NMT1: variants seen among roughly 807,000 people sequenced by gnomAD.
The protein encoded by NMT1 is glycylpeptide N-tetradecanoyltransferase 1.
In NMT1, 12 loss-of-function variants were observed where a neutral mutation model predicts 63.4. That is an observed-to-expected ratio of 0.19 (90% CI 0.12 to 0.31). The LOEUF (loss-of-function observed/expected upper bound fraction) is 0.31. Ranked by LOEUF, NMT1 falls within the 10% of genes least tolerant of loss-of-function variation. The pLI, the probability that NMT1 is intolerant of heterozygous loss-of-function variation, is 1.00. For missense variants in NMT1, 432 were observed against 634.6 expected (o/e 0.68, Z 3.43); for synonymous variants, 228 against 234.3 (o/e 0.97, Z 0.25).
intron 1 of NMT1, 122 bp downstream of exon 1, chr17:45,061,582 TAGG>T (rs2053859111): frequency 1.2e-6 from 1 of 835,298 alleles, no homozygotes; most frequent in South Asian, 1.8e-5. Context: ...GCTAAGTCAC[TAGG>T]ATTCTGCCTG....
intron 1 of NMT1, among the ~76,000 whole-genome samples, chr17:45,081,361 A>G (rs1381614717): frequency 1.3e-5 from 2 of 152,234 alleles, no homozygotes; most frequent in South Asian, 2.1e-4. Flanking sequence ...TACCCTGGCA[A>G]TATAAAGAAA....
Position 45,106,578 on chromosome 17 carries a change from G to C in NMT1, c.*939G>C, listed in dbSNP as rs1207185525. 1 of 152,692 alleles carries C rather than the reference G, an allele frequency of 6.5e-6. No individual in the cohort carries two copies. The highest frequency in any genetic ancestry group is 1.5e-5 in the Non-Finnish European group (1 of 68,078). The allele number at this position is 152,692 out of a possible 1,614,324, so 9.5% of individuals were successfully genotyped here. A position where few individuals can be genotyped will look rare whatever the true frequency, so the allele number is the denominator to read the frequency against. On this transcript the variant is annotated 3_prime_UTR_variant, in exon 12 of 12. Coordinates refer to ENST00000258960, the MANE Select transcript of NMT1 (RefSeq NM_021079.5). ...CAGGGACCTTTGGAGACCATTATCA[G>C]TGTAAGCCCTGCTTAGCTCATCTTA...
At chr17:45,078,394 G>T (rs1321954119) in intron 1 of NMT1, among the ~76,000 whole-genome samples, 1 of 152,138 alleles carries the variant, frequency 6.6e-6, no homozygotes, top group Non-Finnish European at 1.5e-5. Context: ...CTGGATGTGA[G>T]CATTCCTCCC....
intron 8 of NMT1, among the ~76,000 whole-genome samples, chr17:45,101,170 C>G (rs1459337110): frequency 6.6e-6 from 1 of 151,460 alleles, no homozygotes; most frequent in Non-Finnish European, 1.5e-5. Context: ...GCCCACAGAG[C>G]GAGACTCCAT....
intron 7 of NMT1, 68 bp downstream of exon 7, chr17:45,098,620 A>G (rs1170792757): frequency 7.0e-7 from 1 of 1,420,200 alleles, no homozygotes; most frequent in Non-Finnish European, 9.8e-7. Flanking sequence ...AGCATGTGCC[A>G]CTGTGAGTCA....
At chr17:45,102,285 A>T (rs995581873) in intron 8 of NMT1, among the ~76,000 whole-genome samples, 1 of 152,172 alleles carries the variant, frequency 6.6e-6, no homozygotes, top group Admixed American at 6.5e-5. Flanking sequence ...GGGATGTTCT[A>T]CCAGCCCCGG....
chr17:45,077,666 A>C (rs745777343), intron 1 of NMT1, among the ~76,000 whole-genome samples: 12 of 152,198 alleles, frequency 7.9e-5, no homozygotes, highest in Non-Finnish European at 1.6e-4. Flanking sequence ...CTGAGATTAC[A>C]GGCGTGAGCC....
rs1259973501 is a variant in NMT1, at chr17:45,105,396, A to T, written c.1471-223A>T. On this transcript the variant is annotated intron_variant, in intron 11 of 11. Coordinates refer to ENST00000258960, the MANE Select transcript of NMT1 (RefSeq NM_021079.5). This position sits in a 1 kb window ranked among gnomAD's most constrained non-coding sequence, Gnocchi z 4.2. ...TTCCTCCCCCAGTGCCACAGGGGAC[A>T]TAGGGGTGAGCTGGAGCGTGGGCCA... 6.6e-6 allele frequency among the ~76,000 whole-genome samples: 1 copy of T among 152,090 alleles called. No individual in the cohort carries two copies.
intron 3 of NMT1, among the ~76,000 whole-genome samples, chr17:45,089,877 G>C (rs2054077196): frequency 6.6e-6 from 1 of 151,694 alleles, no homozygotes; most frequent in Admixed American, 6.6e-5. Flanking sequence ...GGCTCAAGCT[G>C]TCCTCCTGTC....
rs1029146205 is a variant in NMT1 at position 45,103,384 on chromosome 17, C to T, written c.1164+263C>T. ...GCCCCGCTTAATCCTTCAGGAAAGC[C>T]TGCAATTCCCTGCCTGTCCCAGCTT... On this transcript the variant is annotated intron_variant, in intron 9 of 11. Transcript: ENST00000258960. This position sits in a 1 kb window ranked among gnomAD's most constrained non-coding sequence, Gnocchi z 4.8. 2.0e-5 allele frequency among the ~76,000 whole-genome samples: 3 copies of T among 152,208 alleles called. No homozygotes were observed. The highest frequency in any genetic ancestry group is 7.2e-5 in the African/African-American group (3 of 41,448).
chr17:45,103,052 C>T lies in NMT1; in HGVS notation c.1095C>T (p.Val365=), dbSNP rs924982378. 2 of 1,613,942 alleles carry T rather than the reference C, an allele frequency of 1.2e-6. No homozygotes were observed. The highest frequency in any genetic ancestry group is 2.7e-5 in the African/African-American group (2 of 74,920). ...TGAAGCAATTTCACCTTACGCCCGT[C>T]ATGAGCCAGGAGGAGGTGGAGCACT... ...RYLKQFHLTP[V]MSQEEVEHWF... is the part of the protein sequence containing the mutation. Residue 365 remains valine (V), a synonymous_variant, in exon 9 of 12, where the codon GTC becomes GTT. Transcript: ENST00000258960. The surrounding 1 kb of genome is among the most constrained non-coding windows in gnomAD (Gnocchi z 4.8).
intron 1 of NMT1, among the ~76,000 whole-genome samples, chr17:45,068,416 G>A (rs997512570): frequency 7.2e-5 from 11 of 152,156 alleles, no homozygotes; most frequent in African/African-American, 2.2e-4. Context: ...AGGTTGCAGT[G>A]AGCCCAGATG....
Position 45,093,737 on chromosome 17 carries a change from C to G in NMT1, c.438C>G (p.Arg146=), listed in dbSNP as rs1456376961. The part of the protein sequence containing the change: ...GPVEPDKDNI[R]QEPYTLPQGF... The stretch of plus-strand genomic sequence containing the variant: ...TGGAGCCTGACAAGGACAATATCCG[C>G]CAGGAGCCCTACACCCTGCCCCAGG... Residue 146 remains arginine, a synonymous_variant, in exon 4 of 12, where the codon CGC becomes CGG. Coordinates refer to ENST00000258960, the MANE Select transcript of NMT1 (RefSeq NM_021079.5). The G allele has an allele frequency of 6.2e-7, 1 of 1,614,270 alleles. No individual in the cohort carries two copies. The highest frequency in any genetic ancestry group is 8.5e-7 in the Non-Finnish European group (1 of 1,180,052).
intron 1 of NMT1, among the ~76,000 whole-genome samples, chr17:45,064,187 AAAAT>A (rs1271576838): frequency 4.6e-5 from 7 of 152,200 alleles, no homozygotes; most frequent in Non-Finnish European, 8.8e-5. Flanking sequence ...CCATCTCAAA[AAAAT>A]AAATAAATAA....
Position 45,103,328 on chromosome 17 carries a change from C to T in NMT1, c.1164+207C>T, listed in dbSNP as rs2054180315. ...CTTGAGCCCTTCTCCCCCTCTGCCC[C>T]ACTTTGATAACACAAAATAGAGAGA... is the stretch of plus-strand genomic sequence containing the variant. On this transcript the variant is annotated intron_variant, in intron 9 of 11. Coordinates refer to ENST00000258960, the MANE Select transcript of NMT1 (RefSeq NM_021079.5). This position sits in a 1 kb window ranked among gnomAD's most constrained non-coding sequence, Gnocchi z 4.8. Among the ~76,000 whole-genome samples the T allele has an allele frequency of 2.0e-5, 3 of 152,218 alleles. No individual in the cohort carries two copies. The highest frequency in any genetic ancestry group is 2.0e-4 in the Admixed American group (3 of 15,278).
chr17:45,102,513 T>C (rs1211958818), intron 8 of NMT1, among the ~76,000 whole-genome samples: 1 of 151,690 alleles, frequency 6.6e-6, no homozygotes, highest in African/African-American at 2.4e-5. Flanking sequence ...CGAAGTGCTC[T>C]AAGTCTAGCA....
chr17:45,063,522 T>A (rs995942813), intron 1 of NMT1, among the ~76,000 whole-genome samples: 1 of 152,184 alleles, frequency 6.6e-6, no homozygotes, highest in African/African-American at 2.4e-5. Context: ...ATTTTTATCT[T>A]CTTAACTGTT....
At chr17:45,097,358 G>A in intron 6 of NMT1, 114 bp downstream of exon 6, 1 of 837,660 alleles carries the variant, frequency 1.2e-6, no homozygotes, top group Non-Finnish European at 2.0e-6. Flanking sequence ...GAAGGTCTCA[G>A]GAAGGGAGGA....
intron 2 of NMT1, among the ~76,000 whole-genome samples, chr17:45,086,045 C>T (rs1486008081): frequency 2.0e-5 from 3 of 151,428 alleles, no homozygotes; most frequent in South Asian, 2.1e-4. Flanking sequence ...TGGTCTTGAA[C>T]TCCTGAGCTC....
Sources: allele counts gnomAD v4.1 joint callset (sites outside exome capture counted in the v4.1 genomes callset), GRCh38; gene constraint gnomAD v4.1.1; non-coding constraint Gnocchi (gnomAD v3.1); transcripts MANE v1.5; gene names NCBI Gene and HGNC (gene_info 2026-07-23, HGNC 2026-07-21).